The following YARS1 variants were observed in gnomAD, a reference collection of about 807,000 sequenced individuals.
YARS1 encodes the protein tyrosyl-tRNA synthetase 1.
YARS1 carries 36 observed loss-of-function variants against 62.2 expected under a neutral mutation model. The observed-to-expected ratio is 0.58, with a 90% CI of 0.44 to 0.76. The LOEUF (loss-of-function observed/expected upper bound fraction) is 0.76, where lower values mean the gene tolerates loss of function less well. Among genes scored for constraint, YARS1 ranks in the 30% least tolerant of loss-of-function variants. The pLI is 0.00. For synonymous variants in YARS1, 234 were observed against 244.9 expected, an observed-to-expected ratio of 0.96 and a Z score of 0.42; for missense variants, 524 against 639.8, an observed-to-expected ratio of 0.82 and a Z score of 1.95.
intron 7 of YARS1, chr1:32,786,676 C>A: frequency 1.4e-6 from 1 of 692,958 alleles, no homozygotes; most frequent in Non-Finnish European, 2.4e-6. Flanking sequence ...TGTTGTATTC[C>A]TCTAGTTCAA....
intron 1 of YARS1, among the ~76,000 whole-genome samples, chr1:32,816,590 CA>C (rs1638741362): frequency 6.6e-6 from 1 of 152,138 alleles, no homozygotes; most frequent in Non-Finnish European, 1.5e-5. Context: ...AAATTTGCCA[CA>C]ATTTCTGTTT....
At chr1:32,804,996 C>T (rs1314680325) in intron 4 of YARS1, among the ~76,000 whole-genome samples, 3 of 152,200 alleles carry the variant, frequency 2.0e-5, no homozygotes, top group Admixed American at 2.0e-4. Context: ...CTCGGGACGC[C>T]GAGGCGGGTA....
intron 11 of YARS1, 116 bp from the exon 12 acceptor site, chr1:32,779,639 A>G: frequency 7.4e-7 from 1 of 1,357,028 alleles, no homozygotes; most frequent in Non-Finnish European, 1.0e-6. Context: ...GGGCATCCTC[A>G]GTACCAGAGC....
intron 9 of YARS1, 80 bp from the exon 10 acceptor site, chr1:32,781,225 GAGATT>G: frequency 8.9e-7 from 1 of 1,126,268 alleles, no homozygotes; most frequent in Non-Finnish European, 1.4e-6. Flanking sequence ...TTAAGACACT[GAGATT>G]AGGTAAGATT....
chr1:32,806,463 C>T lies in YARS1; in HGVS notation c.510+19G>A, dbSNP rs1638468651. 6.2e-7 allele frequency: 1 copy of T among 1,613,660 alleles called. No homozygotes were observed. The highest frequency in any genetic ancestry group is 8.5e-7 in the Non-Finnish European group (1 of 1,179,956). On this transcript the variant is annotated intron_variant, in intron 4 of 12. Coordinates refer to ENST00000373477, the MANE Select transcript of YARS1 (RefSeq NM_003680.4). Reference sequence around the variant, plus strand: ...CAGAGCAGAAAAGGTCATCGGGCCACTCCATCCCCCTTAAGTACCTGCAGT... The same window carrying T: ...CAGAGCAGAAAAGGTCATCGGGCCATTCCATCCCCCTTAAGTACCTGCAGT...
intron 3 of YARS1, among the ~76,000 whole-genome samples, chr1:32,809,041 T>C (rs1196740652): frequency 2.0e-5 from 3 of 152,218 alleles, no homozygotes; most frequent in Non-Finnish European, 2.9e-5. Context: ...ACGAAGGCTG[T>C]AGATTCAAAG....
chr1:32,777,149 C>T (rs536621113), intron 12 of YARS1, among the ~76,000 whole-genome samples: 21 of 151,802 alleles, frequency 1.4e-4, no homozygotes, highest in African/African-American at 4.3e-4. Flanking sequence ...CCTGCCTAAG[C>T]GTCTTAAGTA....
chr1:32,787,891 G>A (rs1002880554), intron 6 of YARS1, among the ~76,000 whole-genome samples: 25 of 152,126 alleles, frequency 1.6e-4, no homozygotes, highest in Non-Finnish European at 2.6e-4. Context: ...CTGGAGAGTC[G>A]CTTGAGCCCA....
Position 32,780,117 on chromosome 1 carries a change from G to GAA in YARS1, c.1301_1302insTT (p.Glu435SerfsTer12). On this transcript the variant is annotated frameshift_variant, in exon 11 of 13. Coordinates refer to ENST00000373477, the MANE Select transcript of YARS1 (RefSeq NM_003680.4). LOFTEE classifies it high-confidence loss of function. The stretch of plus-strand genomic sequence containing the variant: ...CACACAGAAGCATGCCTTGGGACTC[G>GAA]ACTCCTCTCATCTTCTGGGGTTTCA... The GAA allele has an allele frequency of 6.2e-7, 1 of 1,614,042 alleles. No individual in the cohort carries two copies. The highest frequency in any genetic ancestry group is 1.1e-5 in the South Asian group (1 of 91,060).
At chr1:32,817,143 G>C (rs751154269) in intron 1 of YARS1, 45 bp downstream of exon 1, 4 of 1,611,130 alleles carry the variant, frequency 2.5e-6, no homozygotes, top group Non-Finnish European at 3.4e-6. Flanking sequence ...ACTGAACCTC[G>C]GGCTCCTAAT....
rs1653649562 is a variant in YARS1, at chr1:32,797,707, C to T, written c.591+56G>A. 4.1e-6 allele frequency: 6 copies of T among 1,453,258 alleles called. No individual in the cohort carries two copies. In the Admixed American group the frequency reaches 8.4e-5, roughly 20 times the overall value. 90.0% of individuals were successfully genotyped at this position (1,453,258 alleles called of 1,614,324 possible). ...GACTGACACATCATAGTTCAATAAA[C>T]ACAGCTGCATACCTCTGAGGTGCAA... On this transcript the variant is annotated intron_variant, in intron 5 of 12. Coordinates refer to ENST00000373477, the MANE Select transcript of YARS1 (RefSeq NM_003680.4).
intron 5 of YARS1, among the ~76,000 whole-genome samples, chr1:32,794,872 T>G (rs1653522838): frequency 6.6e-6 from 1 of 151,442 alleles, no homozygotes. Context: ...TGGACATGGT[T>G]GGGAGCCTGT....
chr1:32,776,924 G>A lies in YARS1; in HGVS notation c.1477-833C>T, dbSNP rs927906409. On this transcript the variant is annotated intron_variant, in intron 12 of 12. Transcript: ENST00000373477. This position sits in a 1 kb window ranked among gnomAD's most constrained non-coding sequence, Gnocchi z 4.0. Reference sequence around the variant, plus strand: ...GGAGGTTGTGGCGGGCCGAGATCACGCCACCACACTCCAGCCTGGGTGACA... The same window carrying A: ...GGAGGTTGTGGCGGGCCGAGATCACACCACCACACTCCAGCCTGGGTGACA... Among the ~76,000 whole-genome samples, 2 of 151,618 alleles carry A rather than the reference G, an allele frequency of 1.3e-5. No homozygotes were observed. The highest frequency in any genetic ancestry group is 2.9e-5 in the Non-Finnish European group (2 of 67,922).
In YARS1 at chr1:32,810,653, C is replaced by G; in HGVS notation, c.318G>C (p.Glu106Asp). The G allele has an allele frequency of 6.2e-7, 1 of 1,613,968 alleles. No individual in the cohort carries two copies. The highest frequency in any genetic ancestry group is 1.1e-5 in the South Asian group (1 of 91,074). Residue 106 changes from glutamate to aspartate, a missense_variant, in exon 3 of 13, where the codon GAG (glutamate) becomes GAC (aspartate). Coordinates refer to ENST00000373477, the MANE Select transcript of YARS1 (RefSeq NM_003680.4). ...GCTTCTCCAAGGGCACACCAATGCT[C>G]TCCAGCATTGCTTTGATCACATTCT... Reference protein sequence around the residue: ...YYENVIKAMLESIGVPLEKLK... With the variant: ...YYENVIKAMLDSIGVPLEKLK...
At position 32,781,109 on chromosome 1, in the gene YARS1, G is replaced by T. The variant is rs562054969; in HGVS notation, c.1079C>A (p.Pro360Gln). 1.2e-5 allele frequency: 20 copies of T among 1,614,192 alleles called. No homozygotes were observed. The East Asian group carries it at 3.6e-4, about 29-fold the overall frequency. ...CAGCCGGGATGGGATGACCTCCTCT[G>T]GTTCTGAATTCTTGGCAGGGCCTTT... ...MAKGPAKNSE[P>Q]EEVIPSRLDI... The change falls in exon 10 of 13, where the codon CCA (proline) becomes CAA (glutamine). Residue 360 changes from proline to glutamine, a missense_variant. Coordinates refer to ENST00000373477, the MANE Select transcript of YARS1 (RefSeq NM_003680.4).
Position 32,786,988 on chromosome 1 carries a change from T to C in YARS1, c.772A>G (p.Asn258Asp), listed in dbSNP as rs747103739. 6.2e-7 allele frequency: 1 copy of C among 1,614,162 alleles called. No homozygotes were observed. The highest frequency in any genetic ancestry group is 8.5e-7 in the Non-Finnish European group (1 of 1,180,026). Residue 258 changes from asparagine to aspartate, a missense_variant, in exon 7 of 13, where the codon AAT becomes GAT. Asn to Asp is a conservative substitution (Grantham distance 23). Transcript: ENST00000373477. ...AFCEPGNVEN[N>D]GVLSFIKHVL... The stretch of plus-strand genomic sequence containing the variant: ...TGCTTGATGAAGGACAGAACCCCAT[T>C]GTTCTCCACATTTCCTGGCTCACAG...
At chr1:32,787,846 G>A (rs1653285747) in intron 6 of YARS1, among the ~76,000 whole-genome samples, 1 of 152,188 alleles carries the variant, frequency 6.6e-6, no homozygotes, top group South Asian at 2.1e-4. Flanking sequence ...GCTGGGCACA[G>A]TGGCTCACAC....
chr1:32,791,216 C>T lies in YARS1; in HGVS notation c.630G>A (p.Leu210=). ...PALGYSKRVH[L]MNPMVPGLTG... ...TTAATCCTGGAACCATAGGATTCAT[C>T]AGATGGACCCGTTTTGAATAGCCAA... Residue 210 remains leucine, a synonymous_variant, in exon 6 of 13, where the codon CTG becomes CTA. Coordinates refer to ENST00000373477, the MANE Select transcript of YARS1 (RefSeq NM_003680.4). The T allele has an allele frequency of 6.2e-7, 1 of 1,614,108 alleles. No homozygotes were observed. Among genetic ancestry groups the T allele is most frequent in the Non-Finnish European group, 8.5e-7 (1 of 1,180,018 alleles).
chr1:32,776,067 ACTC>A lies in YARS1; in HGVS notation c.1498_1500del (p.Glu500del). On this transcript the variant is annotated inframe_deletion, in exon 13 of 13. Coordinates refer to ENST00000373477, the MANE Select transcript of YARS1 (RefSeq NM_003680.4). This position sits in a 1 kb window ranked among gnomAD's most constrained non-coding sequence, Gnocchi z 4.0. ...TTGGTTTGCTTCCACTGTGCGATGC[ACTC>A]CTCAGAAATTTTGAAGTCAGCCTGG... is the stretch of plus-strand genomic sequence containing the variant. The A allele has an allele frequency of 1.9e-6, 3 of 1,613,884 alleles. No individual in the cohort carries two copies. Among genetic ancestry groups the A allele is most frequent in the Non-Finnish European group, 2.5e-6 (3 of 1,179,972 alleles).
Sources: gnomAD v4.1 joint callset for allele counts (sites outside exome capture counted in the v4.1 genomes callset) on GRCh38, gnomAD v4.1.1 for gene constraint, Gnocchi (gnomAD v3.1) non-coding constraint, MANE v1.5 for transcripts, NCBI Gene and HGNC (gene_info 2026-07-23, HGNC 2026-07-21) for gene names.